Variants in SNX31 observed in about 807,000 individuals in gnomAD.
SNX31 encodes the protein sorting nexin-31.
SNX31 carries 58 observed loss-of-function variants against 65.4 expected under a neutral mutation model. The observed-to-expected ratio is 0.89, with a 90% CI of 0.72 to 1.10. The LOEUF (loss-of-function observed/expected upper bound fraction) is 1.10, where lower values mean the gene tolerates loss of function less well. SNX31 is among the 50% of genes least tolerant of loss of function. The pLI is 0.00. For synonymous variants in SNX31, 181 were observed against 190.1 expected (o/e 0.95, Z 0.39); for missense variants, 523 against 529.7 (o/e 0.99, Z 0.12).
intron 3 of SNX31, among the ~76,000 whole-genome samples, chr8:100,633,892 CT>C (rs1818575097): frequency 6.6e-6 from 1 of 152,124 alleles, no homozygotes; most frequent in Admixed American, 6.5e-5. Context: ...ATAAAAAGCT[CT>C]GAAAATCAGC....
chr8:100,621,879 T>C (rs1817721157), intron 4 of SNX31, among the ~76,000 whole-genome samples: 1 of 152,082 alleles, frequency 6.6e-6, no homozygotes, highest in Non-Finnish European at 1.5e-5. Flanking sequence ...TCTCACTCCC[T>C]CGGAAGAAGG....
chr8:100,621,922 G>A (rs965873543), intron 4 of SNX31, among the ~76,000 whole-genome samples: 1 of 152,318 alleles, frequency 6.6e-6, no homozygotes, highest in East Asian at 1.9e-4. Context: ...TTCAGCTGGG[G>A]CTGCTAATCT....
upstream of SNX31, among the ~76,000 whole-genome samples, chr8:100,652,654 A>C (rs1283109002): frequency 6.6e-6 from 1 of 152,034 alleles, no homozygotes; most frequent in East Asian, 1.9e-4. Context: ...TTGGTGTGTA[A>C]TCTTTTTGGC....
At chr8:100,600,552 T>A (rs1347817679) in intron 8 of SNX31, 111 bp from the exon 9 acceptor site, 30 of 745,468 alleles carry the variant, frequency 4.0e-5, no homozygotes, top group Non-Finnish European at 6.3e-5. Flanking sequence ...TGGATATATA[T>A]TTAGGGATTT....
intron 2 of SNX31, among the ~76,000 whole-genome samples, chr8:100,644,258 T>C (rs1434229469): frequency 6.6e-6 from 1 of 152,164 alleles, no homozygotes; most frequent in African/African-American, 2.4e-5. Context: ...CTTGTCCCCA[T>C]TGCCATGTCT....
In SNX31 at chr8:100,610,064, T is replaced by A. The variant is rs1816567229; in HGVS notation, c.612-1501A>T. ...AGAGGGCAAGGCACCTGCAGGAGCCTATGCCAGAATCTCCCCTCCAGAGAC... is the reference window on the plus strand; with the variant it reads ...AGAGGGCAAGGCACCTGCAGGAGCCAATGCCAGAATCTCCCCTCCAGAGAC... On this transcript the variant is annotated intron_variant, in intron 7 of 13. Transcript: ENST00000311812. The surrounding 1 kb of genome is among the most constrained non-coding windows in gnomAD (Gnocchi z 4.0). 6.6e-6 allele frequency among the ~76,000 whole-genome samples: 1 copy of A among 152,206 alleles called. No homozygotes were observed. The highest frequency in any genetic ancestry group is 2.1e-4 in the South Asian group (1 of 4,828).
At chr8:100,643,324 C>G (rs1016142431) in intron 2 of SNX31, among the ~76,000 whole-genome samples, 42 of 152,222 alleles carry the variant, frequency 2.8e-4, no homozygotes, top group African/African-American at 1.0e-3. Context: ...TCACCTACTT[C>G]CCCCACCTTA....
intron 4 of SNX31, among the ~76,000 whole-genome samples, chr8:100,628,113 A>G (rs10095500): frequency 6.6e-6 from 1 of 152,198 alleles, no homozygotes; most frequent in Non-Finnish European, 1.5e-5. Context: ...GGGATGTGGA[A>G]AAATAGGAAC....
intron 7 of SNX31, among the ~76,000 whole-genome samples, chr8:100,611,514 A>C (rs575481739): frequency 6.6e-6 from 1 of 152,226 alleles, no homozygotes; most frequent in East Asian, 1.9e-4. Context: ...CTTTAGGACA[A>C]ATATTCAGAA....
chr8:100,616,658 G>A (rs1359284220), intron 5 of SNX31, among the ~76,000 whole-genome samples: 1 of 152,186 alleles, frequency 6.6e-6, no homozygotes, highest in Non-Finnish European at 1.5e-5. Flanking sequence ...GGGAAACAAT[G>A]AGGGCTGGAG....
chr8:100,633,740 A>C (rs1215990238), intron 3 of SNX31, among the ~76,000 whole-genome samples: 1 of 152,154 alleles, frequency 6.6e-6, no homozygotes, highest in Non-Finnish European at 1.5e-5. Flanking sequence ...AGATATAGAG[A>C]GATTCATATA....
intron 12 of SNX31, among the ~76,000 whole-genome samples, chr8:100,583,224 A>T (rs976176402): frequency 2.0e-5 from 3 of 151,334 alleles, no homozygotes; most frequent in Non-Finnish European, 4.4e-5. Context: ...CTCCTGCCTC[A>T]GCCTCCCCAG....
At chr8:100,644,558 A>C (rs1032562742) in intron 2 of SNX31, among the ~76,000 whole-genome samples, 1 of 152,250 alleles carries the variant, frequency 6.6e-6, no homozygotes, top group Non-Finnish European at 1.5e-5. Flanking sequence ...CCAGAGCCCG[A>C]GGGAGCCTCA....
At chr8:100,639,051 G>A (rs1431780714) in intron 2 of SNX31, among the ~76,000 whole-genome samples, 1 of 152,220 alleles carries the variant, frequency 6.6e-6, no homozygotes, top group African/African-American at 2.4e-5. Flanking sequence ...TTTTGGGGCA[G>A]GGAGGTACAG....
In SNX31 at chr8:100,625,649, G is replaced by GT. The variant is rs1817996973; in HGVS notation, c.321+4677dup. Among the ~76,000 whole-genome samples the GT allele has an allele frequency of 6.6e-6, 1 of 152,182 alleles. No homozygotes were observed. The highest frequency in any genetic ancestry group is 1.5e-5 in the Non-Finnish European group (1 of 68,032). On this transcript the variant is annotated intron_variant, in intron 4 of 13. Coordinates refer to ENST00000311812, the MANE Select transcript of SNX31 (RefSeq NM_152628.4). The surrounding 1 kb of genome is among the most constrained non-coding windows in gnomAD (Gnocchi z 4.2). ...ACTTACAAATAGCCCTGAGCCTGAG[G>GT]TTTTCAGAAGGGCTGCCAAGTGCGT...
At chr8:100,618,985 A>G (rs556721716) in intron 4 of SNX31, 7 of 152,282 alleles carry the variant, frequency 4.6e-5, no homozygotes, top group East Asian at 1.9e-4. Context: ...ACGAAACTCA[A>G]TCTCCAGCCA....
rs1032833617 is a variant in SNX31, at chr8:100,609,613, C to T, written c.612-1050G>A. Reference sequence around the variant, plus strand: ...GGTACCTATGGCTGATCTCTACCAACCAGAAGGCAGAGGCAAGCAGAGTTG... The same window carrying T: ...GGTACCTATGGCTGATCTCTACCAATCAGAAGGCAGAGGCAAGCAGAGTTG... On this transcript the variant is annotated intron_variant, in intron 7 of 13. Coordinates refer to ENST00000311812, the MANE Select transcript of SNX31 (RefSeq NM_152628.4). This position sits in a 1 kb window ranked among gnomAD's most constrained non-coding sequence, Gnocchi z 4.9. Among the ~76,000 whole-genome samples the T allele has an allele frequency of 2.0e-5, 3 of 152,202 alleles. No individual in the cohort carries two copies. The highest frequency in any genetic ancestry group is 2.0e-4 in the Admixed American group (3 of 15,286).
At chr8:100,662,233 G>A (rs371727408) in intron 1 of SNX31, among the ~76,000 whole-genome samples, 11 of 152,322 alleles carry the variant, frequency 7.2e-5, no homozygotes, top group Admixed American at 2.0e-4. Context: ...CCAAGGTTAT[G>A]CAGCTGTTAA....
At position 100,588,790 on chromosome 8, in the gene SNX31, A is replaced by G; in HGVS notation, c.1092+76T>C. 1.9e-6 allele frequency: 2 copies of G among 1,069,740 alleles called. No individual in the cohort carries two copies. 66.3% of individuals were successfully genotyped at this position (1,069,740 alleles called of 1,614,324 possible). A position where few individuals can be genotyped will look rare whatever the true frequency, so the allele number is the denominator to read the frequency against. ...GTCCTGCTCTAGTTGGGTTAGGGTC[A>G]TGTGCTTCATCCACCCCAGCAAGCA... On this transcript the variant is annotated intron_variant, in intron 11 of 13. Coordinates refer to ENST00000311812, the MANE Select transcript of SNX31 (RefSeq NM_152628.4). The surrounding 1 kb of genome is among the most constrained non-coding windows in gnomAD (Gnocchi z 4.8).
Sources: gnomAD v4.1 joint callset for allele counts (sites outside exome capture counted in the v4.1 genomes callset) on GRCh38, gnomAD v4.1.1 for gene constraint, Gnocchi (gnomAD v3.1) non-coding constraint, MANE v1.5 for transcripts, NCBI Gene and HGNC (gene_info 2026-07-23, HGNC 2026-07-21) for gene names.